AKNA: variants seen among roughly 807,000 people sequenced by gnomAD.
The protein encoded by AKNA is AT-hook transcription factor.
AKNA carries 67 observed loss-of-function variants against 138.8 expected under a neutral mutation model. The observed-to-expected ratio is 0.48, with a 90% CI of 0.40 to 0.59. The LOEUF is 0.59. AKNA is among the 20% of genes least tolerant of loss of function. The pLI is 0.00. For missense variants in AKNA, 1,813 were observed against 1,880.4 expected, an observed-to-expected ratio of 0.96 and a Z score of 0.66; for synonymous variants, 737 against 754.4, an observed-to-expected ratio of 0.98 and a Z score of 0.38.
rs368140660 is a variant in AKNA at position 114,367,628 on chromosome 9, G to A, written c.1643C>T (p.Pro548Leu). 3.8e-5 allele frequency: 61 copies of A among 1,606,078 alleles called. 1 individual carries two copies. Among genetic ancestry groups the A allele is most frequent in the African/African-American group, 2.7e-4 (20 of 74,844 alleles). The change falls in exon 6 of 22, where the codon CCG becomes CTG. Residue 548 changes from proline to leucine, a missense_variant. Physicochemically the swap from Pro to Leu is moderately conservative, Grantham distance 98 (BLOSUM62 -3). Transcript: ENST00000374088. ...LTSMPTLGWL[P>L]ENRDISEDQS... ...GTCCTCAGAGATGTCCCGGTTCTCCGGAAGCCACCCCAGGGTGGGCATGCT... is the reference window on the plus strand; with the variant it reads ...GTCCTCAGAGATGTCCCGGTTCTCCAGAAGCCACCCCAGGGTGGGCATGCT...
rs114372001 is a variant in AKNA, at chr9:114,357,120, C to T, written c.2740-151G>A. On this transcript the variant is annotated intron_variant, in intron 12 of 21. Transcript: ENST00000374088. Reference sequence around the variant, plus strand: ...CAACAGCCAGGCCCAGGAGTGAGGGCTCTCAGGCTCTCAGGCCTCAGCACA... The same window carrying T: ...CAACAGCCAGGCCCAGGAGTGAGGGTTCTCAGGCTCTCAGGCCTCAGCACA... The T allele has an allele frequency of 6.1e-3, 3,535 of 579,632 alleles. 103 individuals are homozygous for T. The African/African-American group carries it at 0.065, about 11-fold the overall frequency. 35.9% of individuals were successfully genotyped at this position (579,632 alleles called of 1,614,324 possible).
chr9:114,335,444 G>T lies in AKNA; in HGVS notation c.*1610C>A, dbSNP rs1453764278. On this transcript the variant is annotated 3_prime_UTR_variant, in exon 22 of 22. Transcript: ENST00000374088. ...TAGCACCGGAATCAGGGTCTAGCAG[G>T]TGCTCCCTAAATGGCAGGTGCTGTT... The T allele has an allele frequency of 1.3e-5, 2 of 152,278 alleles. No individual in the cohort carries two copies. Among genetic ancestry groups the T allele is most frequent in the African/African-American group, 4.8e-5 (2 of 41,458 alleles). The allele number at this position is 152,278 out of a possible 1,614,324, so 9.4% of individuals were successfully genotyped here. A position where few individuals can be genotyped will look rare whatever the true frequency, so the allele number is the denominator to read the frequency against.
upstream of AKNA, chr9:114,394,499 C>T (rs951512732): frequency 6.6e-6 from 1 of 152,180 alleles, no homozygotes; most frequent in African/African-American, 2.4e-5. Flanking sequence ...ACACCTTCTC[C>T]TCCTCTGTTT....
chr9:114,374,412 G>C (rs1226259461), intron 3 of AKNA, among the ~76,000 whole-genome samples: 2 of 152,256 alleles, frequency 1.3e-5, no homozygotes, highest in African/African-American at 4.8e-5. Flanking sequence ...AACGGGTCTA[G>C]ACTGAGGGCC....
chr9:114,398,144 AGGTGGAGACTGAGGCCGGAG>A (rs1468347089), upstream of AKNA, among the ~76,000 whole-genome samples: 6 of 151,510 alleles, frequency 4.0e-5, no homozygotes, highest in African/African-American at 1.5e-4. This position sits in a 1 kb window ranked among gnomAD's most constrained non-coding sequence, Gnocchi z 4.2. Context: ...CATTGTGCAG[AGGTGGAGACTGAGGCCGGAG>A]GGTGGAGACT....
chr9:114,344,301 C>A (rs191789286), intron 18 of AKNA: 1 of 159,738 alleles, frequency 6.3e-6, no homozygotes, highest in Admixed American at 5.9e-5. Context: ...ATAAACATAG[C>A]GCCCATTTCA....
rs1472795994 is a variant in AKNA, at chr9:114,337,048, G to T, written c.*6C>A. ...CCACCCATCTGCCTCTGGGCCCCCA[G>T]TGAAGTCAGAAGAGGCAGGAGCCCC... On this transcript the variant is annotated 3_prime_UTR_variant, in exon 22 of 22. Transcript: ENST00000374088. 3.4e-6 allele frequency: 2 copies of T among 582,778 alleles called. No homozygotes were observed. Among genetic ancestry groups the T allele is most frequent in the African/African-American group, 5.6e-5 (2 of 35,564 alleles). The allele number at this position is 582,778 out of a possible 1,614,324, so 36.1% of individuals were successfully genotyped here.
intron 17 of AKNA, 23 bp from the exon 18 acceptor site, chr9:114,346,032 T>A: frequency 6.3e-7 from 1 of 1,598,462 alleles, no homozygotes; most frequent in Non-Finnish European, 8.6e-7. Flanking sequence ...AAGTGGGGCA[T>A]CAGAGGGGGC....
At position 114,377,308 on chromosome 9, in the gene AKNA, G is replaced by C. The variant is rs1368512463; in HGVS notation, c.499C>G (p.Gln167Glu). The C allele has an allele frequency of 3.7e-6, 6 of 1,614,114 alleles. No homozygotes were observed. The highest frequency in any genetic ancestry group is 5.1e-6 in the Non-Finnish European group (6 of 1,180,006). The change falls in exon 3 of 22, where the codon CAG becomes GAG. Residue 167 changes from glutamine to glutamate, a missense_variant. Coordinates refer to ENST00000374088, the MANE Select transcript of AKNA (RefSeq NM_001317950.2). ...CCAGAAGCCACCCAGCCCCTGGCCT[G>C]ACCATGCCCAAGAGCCATGGGGCTG... ...NTSPMALGHGQARGWVASGEQ... is the reference protein window; with the variant it reads ...NTSPMALGHGEARGWVASGEQ...
intron 6 of AKNA, among the ~76,000 whole-genome samples, chr9:114,364,897 G>A (rs1217763856): frequency 1.3e-5 from 2 of 152,218 alleles, no homozygotes; most frequent in Non-Finnish European, 2.9e-5. Flanking sequence ...ATTTACTGCA[G>A]CATGAACAGT....
At chr9:114,337,603 G>A (rs959372748) in intron 21 of AKNA, among the ~76,000 whole-genome samples, 4 of 152,050 alleles carry the variant, frequency 2.6e-5, no homozygotes, top group Admixed American at 1.3e-4. Flanking sequence ...GCCAGCCAGC[G>A]TGCCAGGCTC....
chr9:114,391,586 C>T (rs907056822), upstream of AKNA, among the ~76,000 whole-genome samples: 9 of 152,114 alleles, frequency 5.9e-5, no homozygotes, highest in African/African-American at 1.7e-4. Flanking sequence ...CAGTGGCTCA[C>T]GCCTGTAATC....
rs761100894 is a variant in AKNA at position 114,367,648 on chromosome 9, C to T, written c.1623G>A (p.Met541Ile). 3.1e-5 allele frequency: 49 copies of T among 1,599,310 alleles called. No individual in the cohort carries two copies. The South Asian group carries it at 5.2e-4, about 17-fold the overall frequency. ...GDLSPSSLTS[M>I]PTLGWLPENR... ...TCTCCGGAAGCCACCCCAGGGTGGG[C>T]ATGCTGGTAAGCGAGGAGGGGCTCA... The change falls in exon 6 of 22, where the codon ATG (methionine) becomes ATA (isoleucine). Residue 541 changes from methionine to isoleucine, a missense_variant. Coordinates refer to ENST00000374088, the MANE Select transcript of AKNA (RefSeq NM_001317950.2).
Position 114,381,082 on chromosome 9 carries a change from C to T in AKNA, c.252G>A (p.Glu84=), listed in dbSNP as rs1246021214. The T allele has an allele frequency of 6.3e-7, 1 of 1,576,000 alleles. No homozygotes were observed. Among genetic ancestry groups the T allele is most frequent in the Admixed American group, 1.8e-5 (1 of 56,904 alleles). The change falls in exon 2 of 22, where the codon GAG becomes GAA. Residue 84 remains glutamate (E), a synonymous_variant. Coordinates refer to ENST00000374088, the MANE Select transcript of AKNA (RefSeq NM_001317950.2). Reference sequence around the variant, plus strand: ...CACCTTCTCCCGAAGTCTCTCCTGACTCGGAATCCTGATGCCCATCGGGCT... The same window carrying T: ...CACCTTCTCCCGAAGTCTCTCCTGATTCGGAATCCTGATGCCCATCGGGCT... ...HPQPDGHQDS[E]SGETSGEEAE... is the part of the protein sequence containing the mutation.
intron 14 of AKNA, among the ~76,000 whole-genome samples, 161 bp downstream of exon 14, chr9:114,355,764 T>C (rs960514485): frequency 6.6e-6 from 1 of 152,056 alleles, no homozygotes; most frequent in African/African-American, 2.4e-5. Context: ...GTTTCCAGAG[T>C]ATTTTTTTTT....
In AKNA at chr9:114,350,845, A is replaced by G. The variant is rs201944626; in HGVS notation, c.3221+14T>C. 2.7e-6 allele frequency: 4 copies of G among 1,498,790 alleles called. No homozygotes were observed. The highest frequency in any genetic ancestry group is 1.4e-5 in the African/African-American group (1 of 70,404). The allele number at this position is 1,498,790 out of a possible 1,614,324, so 92.8% of individuals were successfully genotyped here. On this transcript the variant is annotated intron_variant, in intron 15 of 21. Transcript: ENST00000374088. ...GATGAGCTTGAATCCCCAGGATCCA[A>G]GTGTCTAACTTACTCTCGCCCTGCC...
chr9:114,340,153 C>T (rs538759690), intron 21 of AKNA, among the ~76,000 whole-genome samples: 6 of 152,284 alleles, frequency 3.9e-5, no homozygotes, highest in Admixed American at 2.0e-4. Context: ...GCCTGGTCCC[C>T]GAATAGAGGA....
At chr9:114,390,566 C>T (rs191658658), upstream of AKNA, among the ~76,000 whole-genome samples, 1 of 152,340 alleles carries the variant, frequency 6.6e-6, no homozygotes, top group Admixed American at 6.5e-5. Flanking sequence ...GCTCTAGGGT[C>T]CACTAATCTG....
chr9:114,356,075 G>C lies in AKNA; in HGVS notation c.2908C>G (p.Pro970Ala). Reference protein sequence around the residue: ...ASVPRDGASYPKARGSLIPRR... With the variant: ...ASVPRDGASYAKARGSLIPRR... The stretch of plus-strand genomic sequence containing the variant: ...GGAATCAGAGAACCCCTGGCCTTGG[G>C]GTAGGAAGCTCCATCCCTGGGCACA... The change falls in exon 14 of 22, where the codon CCC becomes GCC. Residue 970 changes from proline to alanine, a missense_variant. Pro to Ala is a conservative substitution (Grantham distance 27). Coordinates refer to ENST00000374088, the MANE Select transcript of AKNA (RefSeq NM_001317950.2). The C allele has an allele frequency of 6.2e-7, 1 of 1,614,176 alleles. No individual in the cohort carries two copies. Among genetic ancestry groups the C allele is most frequent in the South Asian group, 1.1e-5 (1 of 91,086 alleles).
Sources: allele counts gnomAD v4.1 joint callset (sites outside exome capture counted in the v4.1 genomes callset), GRCh38; gene constraint gnomAD v4.1.1; non-coding constraint Gnocchi (gnomAD v3.1); transcripts MANE v1.5; gene names NCBI Gene and HGNC (gene_info 2026-07-23, HGNC 2026-07-21).